Variants in SUSD1 observed in about 807,000 individuals in gnomAD.
SUSD1 encodes the protein sushi domain-containing protein 1.
Under a neutral mutation model 86.9 loss-of-function variants are expected in SUSD1, and 65 were observed. The observed-to-expected ratio is 0.75, with a 90% CI of 0.61 to 0.92. The LOEUF (loss-of-function observed/expected upper bound fraction) is 0.92. Among genes scored for constraint, SUSD1 ranks in the 40% least tolerant of loss-of-function variants. The pLI is 0.00. For missense variants in SUSD1, 850 were observed against 929.7 expected, an observed-to-expected ratio of 0.91 and a Z score of 1.11; for synonymous variants, 346 against 350.0, an observed-to-expected ratio of 0.99 and a Z score of 0.13.
At chr9:112,044,995 C>T (rs1333974904) in intron 15 of SUSD1, among the ~76,000 whole-genome samples, 2 of 152,132 alleles carry the variant, frequency 1.3e-5, no homozygotes, top group Non-Finnish European at 2.9e-5. Context: ...ACATGAAAAA[C>T]ATGATTACAG....
intron 5 of SUSD1, among the ~76,000 whole-genome samples, chr9:112,133,940 C>G (rs1046126514): frequency 6.6e-6 from 1 of 152,122 alleles, no homozygotes; most frequent in South Asian, 2.1e-4. Flanking sequence ...AGAAGACACA[C>G]AAGCAATCAA....
At chr9:112,092,412 T>G (rs1293142797) in intron 10 of SUSD1, among the ~76,000 whole-genome samples, 1 of 152,232 alleles carries the variant, frequency 6.6e-6, no homozygotes, top group Non-Finnish European at 1.5e-5. Context: ...TCTAACTGAT[T>G]CTTAATGTTG....
chr9:112,108,788 A>G (rs1830957436), intron 8 of SUSD1, among the ~76,000 whole-genome samples: 1 of 147,472 alleles, frequency 6.8e-6, no homozygotes, highest in South Asian at 2.1e-4. Flanking sequence ...AAAAAAAAAA[A>G]AAAGAAAAAA....
rs3849117 is a variant in SUSD1 at position 112,041,893 on chromosome 9, G to A, written c.2217C>T (p.Leu739=). The change falls in exon 16 of 17, where the codon CTC becomes CTT. Residue 739 remains leucine, a synonymous_variant. Coordinates refer to ENST00000374270, the MANE Select transcript of SUSD1 (RefSeq NM_022486.5). ...GLGSLAVVII[L]TFLSFSAV Reference sequence around the variant, plus strand: ...ACACCGCTGAGAAGGAGAGGAATGTGAGAATGATCACAACAGCCAGGGAAC... The same window carrying A: ...ACACCGCTGAGAAGGAGAGGAATGTAAGAATGATCACAACAGCCAGGGAAC... 0.084 allele frequency: 136,102 copies of A among 1,613,624 alleles called. 6,832 individuals are homozygous for A. Among genetic ancestry groups the A allele is most frequent in the South Asian group, 0.18 (16,213 of 91,048 alleles).
chr9:112,156,259 C>G (rs776085018), intron 2 of SUSD1, among the ~76,000 whole-genome samples: 1 of 151,846 alleles, frequency 6.6e-6, no homozygotes, highest in Admixed American at 6.6e-5. Flanking sequence ...GTCAGGAGTT[C>G]GAGACCAGCC....
chr9:112,093,127 A>T (rs1366710635), intron 10 of SUSD1, among the ~76,000 whole-genome samples: 1 of 152,188 alleles, frequency 6.6e-6, no homozygotes, highest in African/African-American at 2.4e-5. Flanking sequence ...GCTTGAGTGT[A>T]TTAAAGGTTG....
At chr9:112,104,130 C>T (rs557318207) in intron 8 of SUSD1, among the ~76,000 whole-genome samples, 1 of 152,214 alleles carries the variant, frequency 6.6e-6, no homozygotes, top group Admixed American at 6.5e-5. Context: ...ATCCTCCCAC[C>T]TCAGCCTCCT....
intron 2 of SUSD1, among the ~76,000 whole-genome samples, chr9:112,154,651 A>G (rs1319631115): frequency 6.6e-6 from 1 of 152,174 alleles, no homozygotes; most frequent in African/African-American, 2.4e-5. Context: ...GGTTTTAGAA[A>G]CAAGTCCAGC....
intron 5 of SUSD1, among the ~76,000 whole-genome samples, chr9:112,131,187 A>C (rs1001657986): frequency 1.3e-5 from 2 of 152,216 alleles, no homozygotes; most frequent in African/African-American, 4.8e-5. Context: ...GTATGACCTC[A>C]AAGTCCAGGT....
At chr9:112,165,986 A>AAAGAAAGAAAGAAAGG (rs1833810456) in intron 1 of SUSD1, among the ~76,000 whole-genome samples, 1 of 151,074 alleles carries the variant, frequency 6.6e-6, no homozygotes, top group Non-Finnish European at 1.5e-5. Context: ...AGAAAGAAAG[A>AAAGAAAGAAAGAAAGG]AAGAAAGAAA....
At chr9:112,174,782 C>A (rs1834194747) in intron 1 of SUSD1, among the ~76,000 whole-genome samples, 1 of 152,108 alleles carries the variant, frequency 6.6e-6, no homozygotes, top group Non-Finnish European at 1.5e-5. Flanking sequence ...ACGCCCTGGC[C>A]TCCCCGCCCT....
chr9:112,147,419 G>A (rs1832850538), intron 3 of SUSD1, among the ~76,000 whole-genome samples: 1 of 152,040 alleles, frequency 6.6e-6, no homozygotes, highest in Admixed American at 6.6e-5. Flanking sequence ...GACAGGAGAA[G>A]CACAGGGGAA....
chr9:112,087,441 A>C (rs527958302), intron 10 of SUSD1, among the ~76,000 whole-genome samples: 23 of 152,320 alleles, frequency 1.5e-4, no homozygotes, highest in Non-Finnish European at 2.4e-4. Flanking sequence ...TCGGCCTCCC[A>C]AAGTGCTGGG....
intron 7 of SUSD1, 46 bp from the exon 8 acceptor site, chr9:112,111,886 A>G: frequency 8.8e-6 from 14 of 1,591,592 alleles, no homozygotes; most frequent in Non-Finnish European, 1.2e-5. Context: ...TCCAGTCAAA[A>G]CAATCCAGGA....
chr9:112,111,544 A>G, intron 8 of SUSD1, 110 bp downstream of exon 8: 1 of 1,385,240 alleles, frequency 7.2e-7, no homozygotes, highest in Non-Finnish European at 9.8e-7. Flanking sequence ...CTGAGTATAA[A>G]TCTCAGACAG....
At chr9:112,119,562 T>C (rs918383836) in intron 6 of SUSD1, among the ~76,000 whole-genome samples, 1 of 152,154 alleles carries the variant, frequency 6.6e-6, no homozygotes, top group Non-Finnish European at 1.5e-5. Flanking sequence ...GTGGAGTGAG[T>C]GAGCGTCAGC....
chr9:112,103,474 C>A (rs1830710464), intron 8 of SUSD1, among the ~76,000 whole-genome samples: 1 of 152,154 alleles, frequency 6.6e-6, no homozygotes, highest in Admixed American at 6.5e-5. Flanking sequence ...GTAAGAAATA[C>A]CACATAAAGC....
chr9:112,091,240 A>G (rs1193356125), intron 10 of SUSD1, among the ~76,000 whole-genome samples: 1 of 152,174 alleles, frequency 6.6e-6, no homozygotes, highest in African/African-American at 2.4e-5. Context: ...ATACTGTTAT[A>G]ATATTTATCA....
intron 10 of SUSD1, among the ~76,000 whole-genome samples, chr9:112,097,117 G>A (rs1412829955): frequency 2.0e-5 from 3 of 152,034 alleles, no homozygotes; most frequent in Non-Finnish European, 4.4e-5. Context: ...CTTGAGGTCA[G>A]GAGTTCGAGA....
Sources: allele counts gnomAD v4.1 joint callset (sites outside exome capture counted in the v4.1 genomes callset), GRCh38; gene constraint gnomAD v4.1.1; transcripts MANE v1.5; gene names NCBI Gene and HGNC (gene_info 2026-07-23, HGNC 2026-07-21).